The following RLF variants were observed in gnomAD, a reference collection of about 807,000 sequenced individuals.
RLF encodes the protein RLF zinc finger, also known as zinc finger protein Rlf.
RLF carries 7 observed loss-of-function variants against 162.9 expected under a neutral mutation model. The ratio of observed to expected loss-of-function variants is 0.04; its 90% CI spans 0.02 to 0.08. The LOEUF is 0.08. Ranked by LOEUF, RLF falls within the 10% of genes least tolerant of loss-of-function variation. RLF has a pLI of 1.00. For missense variants in RLF, 1,664 were observed against 2,244.7 expected (o/e 0.74, Z 5.23); for synonymous variants, 782 against 791.5 (o/e 0.99, Z 0.20).
chr1:40,203,167 T>G (rs1642742168), intron 5 of RLF, among the ~76,000 whole-genome samples: 1 of 141,056 alleles, frequency 7.1e-6, no homozygotes, highest in Non-Finnish European at 1.5e-5. Flanking sequence ...CAGGCAGGAG[T>G]GCAGTGGTGC....
chr1:40,212,669 T>C (rs1642878504), intron 5 of RLF, among the ~76,000 whole-genome samples: 1 of 152,214 alleles, frequency 6.6e-6, no homozygotes, highest in Non-Finnish European at 1.5e-5. Context: ...CTGAATGAAC[T>C]ACATCTTCGG....
intron 6 of RLF, among the ~76,000 whole-genome samples, chr1:40,225,767 C>T (rs1361817927): frequency 6.7e-6 from 1 of 150,254 alleles, no homozygotes; most frequent in African/African-American, 2.5e-5. Flanking sequence ...GTCCCAGCTA[C>T]TCGTAAGGCT....
intron 1 of RLF, among the ~76,000 whole-genome samples, chr1:40,185,843 C>CAAAAAAAAAAAAAAAAAA (rs33982008): frequency 3.3e-4 from 22 of 67,548 alleles, no homozygotes; most frequent in East Asian, 1.5e-3. Flanking sequence ...AAAAAAAAAG[C>CAAAAAAAAAAAAAAAAAA]AAAAAAAAAA....
intron 5 of RLF, among the ~76,000 whole-genome samples, chr1:40,209,808 C>T (rs1642843644): frequency 6.7e-6 from 1 of 150,370 alleles, no homozygotes; most frequent in Non-Finnish European, 1.5e-5. Context: ...ACCCAGGAGG[C>T]AGAGGTTGCA....
Position 40,239,323 on chromosome 1 carries a change from G to A in RLF, c.4621G>A (p.Val1541Met), listed in dbSNP as rs1643260140. 1 of 1,614,110 alleles carries A rather than the reference G, an allele frequency of 6.2e-7. No individual in the cohort carries two copies. Among genetic ancestry groups the A allele is most frequent in the Non-Finnish European group, 8.5e-7 (1 of 1,180,010 alleles). ...CAGAGCTGAGGCCCTCCATATGTGT[G>A]TGGAGCACTCTGAGCACACACAGTA... ...KTRAEALHMC[V>M]EHSEHTQYPC... Residue 1541 changes from valine (V) to methionine (M), a missense_variant, in exon 8 of 8, where the codon GTG becomes ATG. This residue lies in a region of RLF where 17 missense variants were observed against 57.0 expected (regional missense o/e 0.30). Transcript: ENST00000372771.
chr1:40,235,467 C>T (rs114643960), intron 7 of RLF, among the ~76,000 whole-genome samples: 2,498 of 152,252 alleles, frequency 0.016, 68 homozygotes, highest in African/African-American at 0.057. Context: ...TTTGAATCCT[C>T]CAGTGACCTT....
chr1:40,170,159 G>A (rs1330907404), intron 1 of RLF, among the ~76,000 whole-genome samples: 1 of 152,010 alleles, frequency 6.6e-6, no homozygotes, highest in East Asian at 1.9e-4. Flanking sequence ...ATAAAGCAAA[G>A]TGCAGAGGTG....
At position 40,237,168 on chromosome 1, in the gene RLF, C is replaced by G. The variant is rs1643226956; in HGVS notation, c.2466C>G (p.Leu822=). The change falls in exon 8 of 8, where the codon CTC becomes CTG. Residue 822 remains leucine, a synonymous_variant. Transcript: ENST00000372771. The surrounding 1 kb of genome is among the most constrained non-coding windows in gnomAD (Gnocchi z 4.4). ...YYSKIEYQNH[L]SMHNVENSNG... ...CCAAAATTGAATACCAGAATCACCT[C>G]TCAATGCATAATGTTGAAAATTCAA... The G allele has an allele frequency of 6.2e-7, 1 of 1,614,008 alleles. No homozygotes were observed. The highest frequency in any genetic ancestry group is 8.5e-7 in the Non-Finnish European group (1 of 1,179,986).
Position 40,221,464 on chromosome 1 carries a change from A to G in RLF, c.811-1110A>G, listed in dbSNP as rs1477017385. On this transcript the variant is annotated intron_variant, in intron 5 of 7. Transcript: ENST00000372771. The stretch of plus-strand genomic sequence containing the variant: ...GAAGTTAGGAAAGGATTCTGTAAGA[A>G]AATAACATTTGAGCTGAGCTTTAAA... 2.6e-5 allele frequency among the ~76,000 whole-genome samples: 4 copies of G among 152,168 alleles called. 1 individual carries two copies. The highest frequency in any genetic ancestry group is 5.9e-5 in the Non-Finnish European group (4 of 68,018).
At position 40,177,423 on chromosome 1, in the gene RLF, G is replaced by A. The variant is rs372720580; in HGVS notation, c.238-11632G>A. ...TCCTGCCTCAGCTTCCCAAGTAGCT[G>A]GGACTACAGGCGCCCGCCACCACGC... On this transcript the variant is annotated intron_variant, in intron 1 of 7. Coordinates refer to ENST00000372771, the MANE Select transcript of RLF (RefSeq NM_012421.4). 8.6e-4 allele frequency among the ~76,000 whole-genome samples: 131 copies of A among 151,684 alleles called. 1 individual carries two copies. Among genetic ancestry groups the A allele is most frequent in the African/African-American group, 3.1e-3 (129 of 41,344 alleles).
rs376355325 is a variant in RLF at position 40,178,433 on chromosome 1, A to G, written c.238-10622A>G. On this transcript the variant is annotated intron_variant, in intron 1 of 7. Coordinates refer to ENST00000372771, the MANE Select transcript of RLF (RefSeq NM_012421.4). ...TGGAGAGTTGTTTTTTAATGAGTTC[A>G]GAGTTTCAGCTTTGTAAGATGACAG... Among the ~76,000 whole-genome samples the G allele has an allele frequency of 8.5e-5, 13 of 152,268 alleles. 1 individual carries two copies. Among genetic ancestry groups the G allele is most frequent in the East Asian group, 3.9e-4 (2 of 5,188 alleles).
At chr1:40,202,648 A>G (rs371888889) in intron 5 of RLF, 34 bp downstream of exon 5, 99 of 1,214,934 alleles carry the variant, frequency 8.1e-5, no homozygotes, top group Non-Finnish European at 1.0e-4. Flanking sequence ...CAAACTTGGT[A>G]TTAATTTAAT....
chr1:40,190,076 T>G (rs1642535910), intron 2 of RLF, among the ~76,000 whole-genome samples: 1 of 152,190 alleles, frequency 6.6e-6, no homozygotes, highest in Non-Finnish European at 1.5e-5. Context: ...CCTGGTTTTA[T>G]GATCATATTT....
intron 5 of RLF, among the ~76,000 whole-genome samples, chr1:40,212,637 G>C (rs1275803263): frequency 6.6e-6 from 1 of 152,126 alleles, no homozygotes. Context: ...GTTAAGGCAG[G>C]GGTCCGTTTC....
Position 40,237,634 on chromosome 1 carries a change from G to A in RLF, c.2932G>A (p.Val978Ile), listed in dbSNP as rs1267368738. The A allele has an allele frequency of 8.1e-6, 13 of 1,614,094 alleles. No homozygotes were observed. The highest frequency in any genetic ancestry group is 1.0e-5 in the Non-Finnish European group (12 of 1,179,984). Residue 978 changes from valine to isoleucine, a missense_variant, in exon 8 of 8, where the codon GTT becomes ATT. Val to Ile is a conservative substitution (Grantham distance 29). Transcript: ENST00000372771. The surrounding 1 kb of genome is among the most constrained non-coding windows in gnomAD (Gnocchi z 4.4). ...ARGMQKHLRK[V>I]HPYHFKPKKI... ...AGGAATGCAGAAACATTTACGGAAGGTTCATCCATACCATTTCAAGCCCAA... is the reference window on the plus strand; with the variant it reads ...AGGAATGCAGAAACATTTACGGAAGATTCATCCATACCATTTCAAGCCCAA...
rs1643238499 is a variant in RLF at position 40,237,856 on chromosome 1, A to G, written c.3154A>G (p.Lys1052Glu). Residue 1052 changes from lysine to glutamate, a missense_variant, in exon 8 of 8, where the codon AAA (lysine) becomes GAA (glutamate). Coordinates refer to ENST00000372771, the MANE Select transcript of RLF (RefSeq NM_012421.4). The surrounding 1 kb of genome is among the most constrained non-coding windows in gnomAD (Gnocchi z 4.4). The stretch of plus-strand genomic sequence containing the variant: ...CTCAGAATCCTCCATTTGTGCTTCT[A>G]AAAGGCCCTGTACAGAGGATACCAT... ...YSSESSICAS[K>E]RPCTEDTMLE... 1 of 1,614,136 alleles carries G rather than the reference A, an allele frequency of 6.2e-7. No homozygotes were observed. The highest frequency in any genetic ancestry group is 8.5e-7 in the Non-Finnish European group (1 of 1,179,998).
rs1206426649 is a variant in RLF at position 40,239,278 on chromosome 1, G to T, written c.4576G>T (p.Ala1526Ser). Reference sequence around the variant, plus strand: ...ATGTGGCTTAATCAAAGAAAAGAAAGCCCCAATAAGTTTTAAAACCAGAGC... The same window carrying T: ...ATGTGGCTTAATCAAAGAAAAGAAATCCCCAATAAGTTTTAAAACCAGAGC... Reference protein sequence around the residue: ...KKCGLIKEKKAPISFKTRAEA... With the variant: ...KKCGLIKEKKSPISFKTRAEA... The change falls in exon 8 of 8, where the codon GCC (alanine) becomes TCC (serine). Residue 1526 changes from alanine (A) to serine (S), a missense_variant. Physicochemically the swap from Ala to Ser is moderately conservative, Grantham distance 99. Transcript: ENST00000372771. 2 of 1,614,094 alleles carry T rather than the reference G, an allele frequency of 1.2e-6. No individual in the cohort carries two copies. The highest frequency in any genetic ancestry group is 1.3e-5 in the African/African-American group (1 of 75,016).
Position 40,161,661 on chromosome 1 carries a change from G to T in RLF, c.237+25G>T. 6.2e-7 allele frequency: 1 copy of T among 1,604,630 alleles called. No homozygotes were observed. Among genetic ancestry groups the T allele is most frequent in the East Asian group, 2.3e-5 (1 of 43,956 alleles). ...GGTGAGGGGCTGACTGGCTGGCTGA[G>T]GGCGGCGGGGCGGGGAAGTCAGGGA... On this transcript the variant is annotated intron_variant, in intron 1 of 7. Coordinates refer to ENST00000372771, the MANE Select transcript of RLF (RefSeq NM_012421.4). The surrounding 1 kb of genome is among the most constrained non-coding windows in gnomAD (Gnocchi z 4.4).
chr1:40,235,055 ATTTTTTT>A (rs761816149), intron 7 of RLF, among the ~76,000 whole-genome samples: 18 of 105,464 alleles, frequency 1.7e-4, no homozygotes, highest in Non-Finnish European at 2.2e-4. Flanking sequence ...GATAGAGAGA[ATTTTTTT>A]TTTTTTTTTT....
Sources: gnomAD v4.1 joint callset for allele counts (sites outside exome capture counted in the v4.1 genomes callset) on GRCh38, gnomAD v4.1.1 for gene constraint, gnomAD v4.1.1 regional missense constraint, Gnocchi (gnomAD v3.1) non-coding constraint, MANE v1.5 for transcripts, NCBI Gene and HGNC (gene_info 2026-07-23, HGNC 2026-07-21) for gene names.